Variants in KIAA1671 observed in about 807,000 individuals in gnomAD.
KIAA1671 encodes uncharacterized protein KIAA1671.
Under a neutral mutation model 131.2 loss-of-function variants are expected in KIAA1671, and 52 were observed. The observed-to-expected ratio is 0.40, with a 90% confidence interval of 0.32 to 0.50. The LOEUF (loss-of-function observed/expected upper bound fraction) is 0.50. Ranked by LOEUF, KIAA1671 falls within the 20% of genes least tolerant of loss-of-function variation. The pLI, the probability that KIAA1671 is intolerant of heterozygous loss-of-function variation, is 0.73. For missense variants in KIAA1671, 2,360 were observed against 2,364.2 expected, an observed-to-expected ratio of 1.00 and a Z score of 0.04; for synonymous variants, 1,003 against 961.6, an observed-to-expected ratio of 1.04 and a Z score of -0.80.
chr22:25,132,732 A>G (rs1038964805), intron 6 of KIAA1671, among the ~76,000 whole-genome samples: 4 of 152,136 alleles, frequency 2.6e-5, no homozygotes, highest in Non-Finnish European at 5.9e-5. Context: ...CAGCCTGGAC[A>G]TTTCCCAGAG....
At chr22:25,143,281 A>C (rs1243952134) in intron 6 of KIAA1671, among the ~76,000 whole-genome samples, 1 of 152,212 alleles carries the variant, frequency 6.6e-6, no homozygotes, top group Non-Finnish European at 1.5e-5. Context: ...AAACAGATGG[A>C]ATGTGTGGGC....
At position 25,124,554 on chromosome 22, in the gene KIAA1671, T is replaced by C. The variant is rs565009416; in HGVS notation, c.4531-46266T>C. On this transcript the variant is annotated intron_variant, in intron 6 of 12. Transcript: ENST00000358431. ...TTAGTTTGAATGCCAGCTTTGCCAC[T>C]AGTCAGCTTTGGGACCTCAGACAGG... Among the ~76,000 whole-genome samples, 5 of 152,334 alleles carry C rather than the reference T, an allele frequency of 3.3e-5. No individual in the cohort carries two copies. The South Asian group carries it at 1.0e-3, about 32-fold the overall frequency.
At chr22:25,017,804 C>T (rs5760798) in intron 1 of KIAA1671, among the ~76,000 whole-genome samples, 10,359 of 152,202 alleles carry the variant, frequency 0.068, 667 homozygotes, top group East Asian at 0.28. Flanking sequence ...GCTTCTTACT[C>T]CCCCATGCAA....
intron 6 of KIAA1671, chr22:25,057,379 GAT>G: frequency 6.7e-6 from 1 of 149,378 alleles, no homozygotes; most frequent in Non-Finnish European, 1.5e-5. Flanking sequence ...GCAGGAGAGA[GAT>G]GAGTGAATGA....
intron 6 of KIAA1671, among the ~76,000 whole-genome samples, chr22:25,093,848 C>CTCTCTG (rs1568951675): frequency 3.0e-5 from 2 of 67,680 alleles, no homozygotes; most frequent in Non-Finnish European, 6.8e-5. Context: ...GTCTCTCTCT[C>CTCTCTG]TCTCTCTCTC....
In KIAA1671 at chr22:25,028,766, C is replaced by A; in HGVS notation, c.767C>A (p.Pro256Gln). 6.4e-7 allele frequency: 1 copy of A among 1,551,308 alleles called. No homozygotes were observed. ...IFTESIQPQK[P>Q]GPGAAATVGK... ...ACGGAGTCCATTCAGCCTCAGAAGCCAGGCCCCGGCGCAGCGGCCACAGTG... is the reference window on the plus strand; with the variant it reads ...ACGGAGTCCATTCAGCCTCAGAAGCAAGGCCCCGGCGCAGCGGCCACAGTG... The change falls in exon 3 of 13, where the codon CCA (proline) becomes CAA (glutamine). Residue 256 changes from proline (P) to glutamine (Q), a missense_variant. By Grantham distance (76) the Pro-to-Gln change is moderately conservative. This residue lies in a region of KIAA1671 where 1,185 missense variants were observed against 1,126.2 expected (regional missense o/e 1.05). Coordinates refer to ENST00000358431, the MANE Select transcript of KIAA1671 (RefSeq NM_001145206.2).
chr22:25,017,849 A>G (rs1467470853), intron 1 of KIAA1671, among the ~76,000 whole-genome samples: 1 of 152,186 alleles, frequency 6.6e-6, no homozygotes, highest in Non-Finnish European at 1.5e-5. Flanking sequence ...TCTTCGGTGT[A>G]ACAAGTGTTA....
At chr22:25,076,364 T>A (rs1929108705) in intron 6 of KIAA1671, among the ~76,000 whole-genome samples, 1 of 152,314 alleles carries the variant, frequency 6.6e-6, no homozygotes, top group East Asian at 1.9e-4. Context: ...AGCTGTCTCC[T>A]GTGTCAGCTT....
intron 6 of KIAA1671, chr22:25,070,370 A>G: frequency 2.0e-6 from 1 of 501,278 alleles, no homozygotes; most frequent in Admixed American, 3.3e-5. Flanking sequence ...CTGGAAATGG[A>G]GTATTACTAC....
chr22:24,963,978 C>T (rs1053095945), intron 1 of KIAA1671, among the ~76,000 whole-genome samples: 1 of 151,186 alleles, frequency 6.6e-6, no homozygotes, highest in Admixed American at 6.6e-5. Flanking sequence ...ATAACTGAGG[C>T]TGCCACTCAT....
Position 25,195,566 on chromosome 22 carries a change from A to G in KIAA1671, c.*3165A>G, listed in dbSNP as rs1348269662. 1 of 152,150 alleles carries G rather than the reference A, an allele frequency of 6.6e-6. No homozygotes were observed. The highest frequency in any genetic ancestry group is 1.5e-5 in the Non-Finnish European group (1 of 68,018). The allele number at this position is 152,150 out of a possible 1,614,324, so 9.4% of individuals were successfully genotyped here. A position where few individuals can be genotyped will look rare whatever the true frequency, so the allele number is the denominator to read the frequency against. ...TTGTGCCTCCCTGGAAGGGAGGCCA[A>G]CTAAGGGTATCACCAAGAAGCCAAA... On this transcript the variant is annotated 3_prime_UTR_variant, in exon 13 of 13. Coordinates refer to ENST00000358431, the MANE Select transcript of KIAA1671 (RefSeq NM_001145206.2).
At chr22:25,035,914 A>C (rs1301501770) in intron 4 of KIAA1671, among the ~76,000 whole-genome samples, 1 of 152,152 alleles carries the variant, frequency 6.6e-6, no homozygotes, top group African/African-American at 2.4e-5. Flanking sequence ...GTAGTAAAAT[A>C]CACATAACAG....
chr22:24,957,671 CTTT>C (rs886130979), intron 1 of KIAA1671, among the ~76,000 whole-genome samples: 144 of 100,296 alleles, frequency 1.4e-3, no homozygotes, highest in African/African-American at 5.8e-3. Flanking sequence ...TCTTTTGTTC[CTTT>C]TTTTTTTTTT....
At position 25,190,591 on chromosome 22, in the gene KIAA1671, G is replaced by T. The variant is rs899692489; in HGVS notation, c.5343-111G>T. ...GCATCTTTACCACCTCTGAGTGCTT[G>T]CCCCAACCCCGCCTGGGCCCAGGGA... On this transcript the variant is annotated intron_variant, in intron 11 of 12. Transcript: ENST00000358431. 34 of 826,944 alleles carry T rather than the reference G, an allele frequency of 4.1e-5. 1 individual carries two copies. The highest frequency in any genetic ancestry group is 4.5e-4 in the Middle Eastern group (2 of 4,450). The allele number at this position is 826,944 out of a possible 1,614,324, so 51.2% of individuals were successfully genotyped here. A position where few individuals can be genotyped will look rare whatever the true frequency, so the allele number is the denominator to read the frequency against.
intron 6 of KIAA1671, among the ~76,000 whole-genome samples, chr22:25,164,189 A>G (rs1933559597): frequency 6.6e-6 from 1 of 152,160 alleles, no homozygotes; most frequent in African/African-American, 2.4e-5. Flanking sequence ...GAGCCTCCTG[A>G]TGCATCATAG....
At chr22:24,980,280 T>G (rs1602041629) in intron 1 of KIAA1671, among the ~76,000 whole-genome samples, 1 of 150,896 alleles carries the variant, frequency 6.6e-6, no homozygotes, top group Non-Finnish European at 1.5e-5. Context: ...ATTTTTTTTT[T>G]TTTTTTTTTG....
At chr22:25,189,974 G>A (rs1309586992) in intron 11 of KIAA1671, among the ~76,000 whole-genome samples, 1 of 152,004 alleles carries the variant, frequency 6.6e-6, no homozygotes, top group African/African-American at 2.4e-5. Context: ...TTATTTCAGC[G>A]GTCCCCAACC....
chr22:24,955,106 C>A (rs1270847168), intron 1 of KIAA1671, among the ~76,000 whole-genome samples: 1 of 151,984 alleles, frequency 6.6e-6, no homozygotes, highest in Non-Finnish European at 1.5e-5. Flanking sequence ...TGAAGGCTGA[C>A]CTTGGCAGGA....
At position 25,177,415 on chromosome 22, in the gene KIAA1671, G is replaced by A. The variant is rs1256738095; in HGVS notation, c.4967G>A (p.Arg1656Gln). ...CAGCTCAGCAAGAGAAGCCGCCGCC[G>A]GGCCCCCATCTCCCACTCCCTCCGG... is the stretch of plus-strand genomic sequence containing the variant. ...RVQLSKRSRR[R>Q]APISHSLRRS... The change falls in exon 9 of 13, where the codon CGG becomes CAG. Residue 1656 changes from arginine to glutamine, a missense_variant. Coordinates refer to ENST00000358431, the MANE Select transcript of KIAA1671 (RefSeq NM_001145206.2). 12 of 1,551,718 alleles carry A rather than the reference G, an allele frequency of 7.7e-6. No homozygotes were observed. Among genetic ancestry groups the A allele is most frequent in the South Asian group, 1.2e-5 (1 of 84,058 alleles).
Sources: allele counts gnomAD v4.1 joint callset (sites outside exome capture counted in the v4.1 genomes callset), GRCh38; gene constraint gnomAD v4.1.1; regional missense constraint gnomAD v4.1.1; transcripts MANE v1.5; gene names NCBI Gene and HGNC (gene_info 2026-07-23, HGNC 2026-07-21).